Variants in COL5A2 observed in about 807,000 individuals in gnomAD.
The protein encoded by COL5A2 is collagen type V alpha 2 chain, also known as collagen alpha-2(V) chain.
In COL5A2, 23 loss-of-function variants were observed where a neutral mutation model predicts 208.2. The observed-to-expected ratio is 0.11, with a 90% confidence interval of 0.08 to 0.16. The LOEUF is 0.16. COL5A2 is among the 10% of genes least tolerant of loss of function. The pLI is 1.00. For synonymous variants in COL5A2, 625 were observed against 628.5 expected (o/e 0.99, Z 0.08); for missense variants, 1,590 against 1,956.4 (o/e 0.81, Z 3.53).
At chr2:189,362,749 G>T in the COL5A2 span, among the ~76,000 whole-genome samples, 1 of 152,138 alleles carries the variant, frequency 6.6e-6, no homozygotes, top group African/African-American at 2.4e-5. Flanking sequence ...TCACTAGAAA[G>T]ATTTTAACAA....
chr2:189,413,442 G>C, the COL5A2 span, among the ~76,000 whole-genome samples: 1 of 152,086 alleles, frequency 6.6e-6, no homozygotes, highest in Admixed American at 6.6e-5. Context: ...AATTAAATAA[G>C]TATTAAAAAG....
At chr2:189,240,903 AAAAT>A in the COL5A2 span, among the ~76,000 whole-genome samples, 5 of 152,236 alleles carry the variant, frequency 3.3e-5, no homozygotes, top group Non-Finnish European at 5.9e-5. Flanking sequence ...ATGTGTTCAT[AAAAT>A]AGACTGCAAG....
chr2:189,352,329 G>A, the COL5A2 span, among the ~76,000 whole-genome samples: 9 of 152,270 alleles, frequency 5.9e-5, no homozygotes, highest in South Asian at 2.1e-4. Context: ...TAATGAGATT[G>A]CTGCGTCAAA....
At chr2:189,272,272 C>T in the COL5A2 span, among the ~76,000 whole-genome samples, 1 of 152,096 alleles carries the variant, frequency 6.6e-6, no homozygotes, top group Non-Finnish European at 1.5e-5. Flanking sequence ...AAATACCCAT[C>T]AATGATAGAC....
chr2:189,221,669 G>A (rs540649975), intron 1 of COL5A2, among the ~76,000 whole-genome samples: 104 of 152,190 alleles, frequency 6.8e-4, no homozygotes, highest in African/African-American at 2.4e-3. Flanking sequence ...AAGGATTGAA[G>A]AAGGCACATG....
intron 1 of COL5A2, among the ~76,000 whole-genome samples, chr2:189,134,666 A>G (rs1318384818): frequency 2.0e-5 from 3 of 152,194 alleles, no homozygotes; most frequent in Non-Finnish European, 4.4e-5. Flanking sequence ...CTCATAGAAT[A>G]AAAAAATCCT....
chr2:189,193,840 C>G (rs999281890), intron 1 of COL5A2, among the ~76,000 whole-genome samples: 9 of 152,128 alleles, frequency 5.9e-5, no homozygotes, highest in African/African-American at 2.2e-4. Context: ...TTTTCATATA[C>G]TTTAACCATA....
chr2:189,092,540 C>A (rs1576521366), intron 6 of COL5A2, 120 bp from the exon 7 acceptor site: 1 of 724,150 alleles, frequency 1.4e-6, no homozygotes, highest in Non-Finnish European at 2.5e-6. Context: ...ACATGGCAAT[C>A]TAGCCACTTA....
In COL5A2 at chr2:189,092,432, G is replaced by T; in HGVS notation, c.457-12C>A. 6.4e-7 allele frequency: 1 copy of T among 1,553,788 alleles called. No homozygotes were observed. Among genetic ancestry groups the T allele is most frequent in the Non-Finnish European group, 8.8e-7 (1 of 1,138,556 alleles). ...GGTCCACGAGGGCCCTGGAAAACAA[G>T]CCAGTTAAAATTAGAACCCACTGCC... is the stretch of plus-strand genomic sequence containing the variant. On this transcript the variant is annotated splice_polypyrimidine_tract_variant and intron_variant, in intron 6 of 53. Transcript: ENST00000374866.
chr2:189,357,212 CA>C, the COL5A2 span, among the ~76,000 whole-genome samples: 1 of 152,156 alleles, frequency 6.6e-6, no homozygotes, highest in Non-Finnish European at 1.5e-5. Flanking sequence ...ACACAGAGGT[CA>C]GGGGCCCACT....
intron 1 of COL5A2, among the ~76,000 whole-genome samples, chr2:189,126,106 T>C (rs952110966): frequency 4.6e-5 from 7 of 152,116 alleles, no homozygotes; most frequent in Non-Finnish European, 1.0e-4. Flanking sequence ...TAAAAATTGA[T>C]TTTTACACAG....
the COL5A2 span, among the ~76,000 whole-genome samples, chr2:189,328,590 C>A: frequency 2.6e-5 from 4 of 152,192 alleles, no homozygotes; most frequent in African/African-American, 4.8e-5. Context: ...AACTTGTTAC[C>A]AGTGTGTCAA....
At chr2:189,311,795 G>C in the COL5A2 span, 2 of 922,594 alleles carry the variant, frequency 2.2e-6, no homozygotes, top group Non-Finnish European at 3.5e-6. Flanking sequence ...CATTGGACCT[G>C]GATGTCTGAA....
chr2:189,118,769 G>A lies in COL5A2; in HGVS notation c.98-8320C>T, dbSNP rs561896207. Among the ~76,000 whole-genome samples the A allele has an allele frequency of 5.9e-5, 9 of 152,188 alleles. 1 individual carries two copies. In the South Asian group the frequency reaches 1.9e-3, roughly 32 times the overall value. On this transcript the variant is annotated intron_variant, in intron 1 of 53. Coordinates refer to ENST00000374866, the MANE Select transcript of COL5A2 (RefSeq NM_000393.5). ...AATTTTATCCTCTTGGAAATATCTA[G>A]TGACTTGAATTAGTATTCAGTTTTG... is the stretch of plus-strand genomic sequence containing the variant.
chr2:189,168,516 A>G (rs1176664278), intron 1 of COL5A2, among the ~76,000 whole-genome samples: 2 of 152,072 alleles, frequency 1.3e-5, no homozygotes, highest in Admixed American at 6.5e-5. Context: ...CTTTCCATTT[A>G]TTTAATATAA....
At chr2:189,055,709 C>CTTTGGG (rs141270529) in intron 35 of COL5A2, among the ~76,000 whole-genome samples, 279 of 152,252 alleles carry the variant, frequency 1.8e-3, no homozygotes, top group African/African-American at 6.4e-3. Flanking sequence ...GCAGTAAGTG[C>CTTTGGG]TTTGCTCTGC....
rs749501114 is a variant in COL5A2, at chr2:189,058,441, A to G, written c.2217T>C (p.Pro739=). ...GEKGMAGGHG[P]DGPKGSPGPS... Reference sequence around the variant, plus strand: ...CTATGACACTTACTTTTGGGCCATCAGGACCATGTCCTCCAGCCATTCCCT... The same window carrying G: ...CTATGACACTTACTTTTGGGCCATCGGGACCATGTCCTCCAGCCATTCCCT... Residue 739 remains proline (P), a synonymous_variant, in exon 33 of 54, where the codon CCT becomes CCC. Transcript: ENST00000374866. 1 of 1,613,786 alleles carries G rather than the reference A, an allele frequency of 6.2e-7. No individual in the cohort carries two copies. Among genetic ancestry groups the G allele is most frequent in the South Asian group, 1.1e-5 (1 of 91,086 alleles).
the COL5A2 span, among the ~76,000 whole-genome samples, chr2:189,280,732 C>A: frequency 6.6e-6 from 1 of 151,974 alleles, no homozygotes; most frequent in Non-Finnish European, 1.5e-5. Context: ...TCAAATAGAT[C>A]AACTGAGGTT....
chr2:189,355,229 T>A, the COL5A2 span, among the ~76,000 whole-genome samples: 2 of 152,298 alleles, frequency 1.3e-5, no homozygotes, highest in Middle Eastern at 3.4e-3. Context: ...ATAAGTGTGA[T>A]GTGGTGCTGA....
Sources: allele counts gnomAD v4.1 joint callset (sites outside exome capture counted in the v4.1 genomes callset), GRCh38; gene constraint gnomAD v4.1.1; transcripts MANE v1.5; gene names NCBI Gene and HGNC (gene_info 2026-07-23, HGNC 2026-07-21).